Variants in ADGRD2 observed in about 807,000 individuals in gnomAD.
ADGRD2 encodes adhesion G protein-coupled receptor D2.
In ADGRD2, 71 loss-of-function variants were observed where a neutral mutation model predicts 44.4. That is an observed-to-expected ratio of 1.60 (90% confidence interval 1.32 to 1.95). ADGRD2 has a LOEUF of 1.95. ADGRD2 is among the 30% of genes most tolerant of loss of function. The probability of loss-of-function intolerance (pLI) is 0.00; values close to 1 mark genes in which losing one functional copy is unlikely to be tolerated. For missense variants in ADGRD2, 1,039 were observed against 512.4 expected (o/e 2.03, Z -9.92); for synonymous variants, 481 against 224.8 (o/e 2.14, Z -10.19).
chr9:124,466,626 A>G, intron 11 of ADGRD2: 1 of 378,698 alleles, frequency 2.6e-6, no homozygotes, highest in Non-Finnish European at 4.7e-6. Context: ...CCTGGGCAAC[A>G]TGGCAAAACC....
At chr9:124,472,806 C>A (rs1050946110) in intron 17 of ADGRD2, among the ~76,000 whole-genome samples, 4 of 152,360 alleles carry the variant, frequency 2.6e-5, no homozygotes, top group Admixed American at 6.5e-5. Context: ...CCGCACCCAG[C>A]CCTCTGACAC....
Position 124,454,801 on chromosome 9 carries a change from C to T in ADGRD2, c.1109-42C>T, listed in dbSNP as rs1831582289. ...AGTGTGGCCCTTGGGGGGATCCCCT[C>T]ATAACAACCAGACCCAGAGTCAGTG... On this transcript the variant is annotated intron_variant, in intron 5 of 21. Transcript: ENST00000334810. This position sits in a 1 kb window ranked among gnomAD's most constrained non-coding sequence, Gnocchi z 4.5. 1.5e-6 allele frequency: 1 copy of T among 648,094 alleles called. No individual in the cohort carries two copies. Among genetic ancestry groups the T allele is most frequent in the African/African-American group, 1.8e-5 (1 of 55,844 alleles). 40.1% of individuals were successfully genotyped at this position (648,094 alleles called of 1,614,324 possible). A position where few individuals can be genotyped will look rare whatever the true frequency, so the allele number is the denominator to read the frequency against.
chr9:124,458,409 T>A (rs1280139376), intron 9 of ADGRD2, among the ~76,000 whole-genome samples, 173 bp downstream of exon 12: 1 of 151,926 alleles, frequency 6.6e-6, no homozygotes, highest in Non-Finnish European at 1.5e-5. Flanking sequence ...ACGGCTCAAC[T>A]CCTGTCTGGG....
rs971985487 is a variant in ADGRD2, at chr9:124,475,564, C to A, written c.2801-7C>A. The A allele has an allele frequency of 2.8e-6, 2 of 714,974 alleles. No homozygotes were observed. The highest frequency in any genetic ancestry group is 3.0e-5 in the South Asian group (2 of 67,218). The allele number at this position is 714,974 out of a possible 1,614,324, so 44.3% of individuals were successfully genotyped here. ...GTCCCCAGCCTGACCTCCAAGTATT[C>A]CCCCAGGTGCGGAGCGCCCTGCAGA... is the stretch of plus-strand genomic sequence containing the variant. On this transcript the variant is annotated splice_polypyrimidine_tract_variant and splice_region_variant and intron_variant, in intron 18 of 21. Coordinates refer to ENST00000334810, the Ensembl canonical transcript of ADGRD2.
chr9:124,466,434 G>A (rs1831826450), intron 11 of ADGRD2, 21 bp downstream of exon 14: 3 of 666,540 alleles, frequency 4.5e-6, no homozygotes, highest in Non-Finnish European at 8.5e-6. Context: ...GGTGGGAGGG[G>A]GGTGTCAGGA....
At position 124,454,850 on chromosome 9, in the gene ADGRD2, C is replaced by T. The variant is rs897990069; in HGVS notation, c.1118C>T (p.Pro373Leu). ...TGGCTCCTCTGTCCACAGCTCCTCC[C>T]GGACCCCCTCTCCGAAGTCCATGGG... The change falls in exon 6 of 22, where the codon CCG becomes CTG. Residue 373 changes from proline (P) to leucine (L), a missense_variant. Transcript: ENST00000334810. This position sits in a 1 kb window ranked among gnomAD's most constrained non-coding sequence, Gnocchi z 4.5. 6 of 700,030 alleles carry T rather than the reference C, an allele frequency of 8.6e-6. No individual in the cohort carries two copies. The highest frequency in any genetic ancestry group is 3.0e-5 in the South Asian group (2 of 67,158). 43.4% of individuals were successfully genotyped at this position (700,030 alleles called of 1,614,324 possible).
chr9:124,453,869 C>T (rs1346591458), intron 3 of ADGRD2, 130 bp from the exon 7 acceptor site: 1 of 597,718 alleles, frequency 1.7e-6, no homozygotes, highest in Non-Finnish European at 3.0e-6. Context: ...CCCCGGCCCC[C>T]TTACCCCCAC....
intron 17 of ADGRD2, among the ~76,000 whole-genome samples, chr9:124,473,843 G>A (rs556136241): frequency 7.9e-5 from 12 of 152,032 alleles, no homozygotes; most frequent in East Asian, 1.9e-4. Flanking sequence ...ATGGAGAGGC[G>A]GAAAAGAATG....
chr9:124,452,112 C>T (rs1006562342), exon 1 of ADGRD2: 13 of 716,388 alleles, frequency 1.8e-5, no homozygotes, highest in Non-Finnish European at 3.4e-5. Flanking sequence ...CTCTGGGACC[C>T]CCTCCAACTC....
At chr9:124,460,454 G>A (rs1290212098) in intron 10 of ADGRD2, among the ~76,000 whole-genome samples, 1 of 150,870 alleles carries the variant, frequency 6.6e-6, no homozygotes, top group Non-Finnish European at 1.5e-5. Context: ...CCTACCTCAG[G>A]TGATCTGCCT....
At chr9:124,463,250 G>A (rs937935505) in intron 10 of ADGRD2, among the ~76,000 whole-genome samples, 2 of 152,058 alleles carry the variant, frequency 1.3e-5, no homozygotes, top group African/African-American at 4.8e-5. Flanking sequence ...GATCATATGG[G>A]TTTCTCATTT....
At chr9:124,475,655 C>T (rs1330537269) in intron 19 of ADGRD2, 40 bp downstream of exon 22, 4 of 612,650 alleles carry the variant, frequency 6.5e-6, no homozygotes, top group Non-Finnish European at 1.2e-5. Context: ...GGCGGGAGGC[C>T]CCCAGAGCCA....
At chr9:124,457,531 A>G (rs1043137858) in exon 8 of ADGRD2, 1 of 688,584 alleles carries the variant, frequency 1.5e-6, no homozygotes, top group Non-Finnish European at 2.7e-6. Context: ...CTTATTCACA[A>G]TGCCTGGTGG....
exon 7 of ADGRD2, chr9:124,456,629 G>T: frequency 2.8e-6 from 2 of 718,140 alleles, no homozygotes; most frequent in Non-Finnish European, 5.2e-6. Context: ...CAGGTGATTG[G>T]TGGGCCTATG....
rs1364125092 is a variant in ADGRD2 at position 124,467,719 on chromosome 9, A to G, written c.2027-2A>G. The G allele has an allele frequency of 4.2e-6, 3 of 718,234 alleles. No individual in the cohort carries two copies. The highest frequency in any genetic ancestry group is 3.5e-5 in the African/African-American group (2 of 57,214). 44.5% of individuals were successfully genotyped at this position (718,234 alleles called of 1,614,324 possible). A position where few individuals can be genotyped will look rare whatever the true frequency, so the allele number is the denominator to read the frequency against. On this transcript the variant is annotated splice_acceptor_variant, in intron 11 of 21. Transcript: ENST00000334810. LOFTEE classifies it high-confidence loss of function. ...GGGGGGTTTCTCTGTCCCTCCACAC[A>G]GAGAGGCCCTGAGGAGGAGTCGCTG... is the stretch of plus-strand genomic sequence containing the variant.
intron 17 of ADGRD2, 98 bp downstream of exon 20, chr9:124,470,712 A>G (rs1239962840): frequency 1.7e-6 from 1 of 600,778 alleles, no homozygotes; most frequent in Non-Finnish European, 3.0e-6. Flanking sequence ...TGAGCTCTCC[A>G]TCATGGGAGA....
intron 9 of ADGRD2, 134 bp downstream of exon 12, chr9:124,458,370 A>C (rs1192872955): frequency 3.2e-6 from 2 of 629,952 alleles, no homozygotes; most frequent in African/African-American, 3.6e-5. Context: ...CCCAACACAC[A>C]CACACTTCTG....
At chr9:124,468,162 T>C in exon 13 of ADGRD2, 2 of 718,528 alleles carry the variant, frequency 2.8e-6, no homozygotes, top group East Asian at 2.7e-5. Flanking sequence ...GGCTTCCTCA[T>C]GACCAGCGAG....
chr9:124,458,551 C>T, intron 9 of ADGRD2, 65 bp from the exon 13 acceptor site: 1 of 697,572 alleles, frequency 1.4e-6, no homozygotes. Flanking sequence ...GCCTGGGTGA[C>T]ATGCCGCAGC....
Sources: gnomAD v4.1 joint callset for allele counts (sites outside exome capture counted in the v4.1 genomes callset) on GRCh38, gnomAD v4.1.1 for gene constraint, Gnocchi (gnomAD v3.1) non-coding constraint, MANE v1.5 for transcripts, NCBI Gene and HGNC (gene_info 2026-07-23, HGNC 2026-07-21) for gene names.